The following KCNIP4 variants were observed in gnomAD, a reference collection of about 807,000 sequenced individuals.
The protein encoded by KCNIP4 is Kv channel-interacting protein 4.
In KCNIP4, 12 loss-of-function variants were observed where a neutral mutation model predicts 34.0. That is an observed-to-expected ratio of 0.35 (90% CI 0.23 to 0.57). KCNIP4 has a LOEUF of 0.57. KCNIP4 is among the 20% of genes least tolerant of loss of function. The pLI is 0.83. For synonymous variants in KCNIP4, 124 were observed against 102.2 expected (o/e 1.21, Z -1.29); for missense variants, 238 against 311.7 (o/e 0.76, Z 1.78).
At chr4:20,819,833 C>CCACCTT (rs1653195368) in intron 3 of KCNIP4, among the ~76,000 whole-genome samples, 1 of 152,170 alleles carries the variant, frequency 6.6e-6, no homozygotes, top group South Asian at 2.1e-4. Flanking sequence ...TTCCAAAGTG[C>CCACCTT]CGCCTTGGAA....
At position 21,481,143 on chromosome 4, in the gene KCNIP4, A is replaced by G. The variant is rs1054600456; in HGVS notation, c.61+467428T>C. On this transcript the variant is annotated intron_variant, in intron 1 of 8. Transcript: ENST00000382152. ...TAGTATAGGAAGTAGAAACTACTCA[A>G]TAAGTGTCCCAAGAAAAACTGGCTA... is the stretch of plus-strand genomic sequence containing the variant. Among the ~76,000 whole-genome samples, 6 of 152,218 alleles carry G rather than the reference A, an allele frequency of 3.9e-5. No individual in the cohort carries two copies. The East Asian group carries it at 9.6e-4, about 24-fold the overall frequency.
intron 1 of KCNIP4, among the ~76,000 whole-genome samples, chr4:21,891,428 T>C (rs1727085353): frequency 6.6e-6 from 1 of 152,088 alleles, no homozygotes; most frequent in South Asian, 2.1e-4. Flanking sequence ...TCCATAGGGT[T>C]CTTCGGATCC....
intron 1 of KCNIP4, among the ~76,000 whole-genome samples, chr4:21,444,436 T>G (rs1727780954): frequency 6.6e-6 from 1 of 152,194 alleles, no homozygotes; most frequent in Admixed American, 6.5e-5. Context: ...CATGATCAAG[T>G]GGGCTTCATC....
intron 1 of KCNIP4, among the ~76,000 whole-genome samples, chr4:21,775,570 TAA>T (rs955479403): frequency 2.6e-5 from 4 of 152,298 alleles, no homozygotes; most frequent in Admixed American, 6.5e-5. Flanking sequence ...GAGGAGAGGC[TAA>T]GTCTGCTGGT....
At chr4:20,737,532 A>C (rs1456334613) in intron 5 of KCNIP4, among the ~76,000 whole-genome samples, 1 of 148,882 alleles carries the variant, frequency 6.7e-6, no homozygotes, top group African/African-American at 2.5e-5. Flanking sequence ...GATACATGAG[A>C]CAGAAGAACA....
chr4:21,687,538 A>C (rs1750908415), intron 1 of KCNIP4, among the ~76,000 whole-genome samples: 1 of 152,152 alleles, frequency 6.6e-6, no homozygotes, highest in African/African-American at 2.4e-5. Context: ...ACCCATAATT[A>C]TTTTAAAAAG....
At chr4:21,660,637 A>G (rs1419321793) in intron 1 of KCNIP4, among the ~76,000 whole-genome samples, 4 of 152,190 alleles carry the variant, frequency 2.6e-5, no homozygotes, top group Non-Finnish European at 4.4e-5. Flanking sequence ...TGAGAAAGAC[A>G]GCACTGTTAA....
At chr4:21,692,826 C>CCTT (rs1711804170) in intron 1 of KCNIP4, among the ~76,000 whole-genome samples, 1 of 114,964 alleles carries the variant, frequency 8.7e-6, no homozygotes. Flanking sequence ...AAAATCCTGT[C>CCTT]ATTTTTTTTT....
intron 1 of KCNIP4, among the ~76,000 whole-genome samples, chr4:21,087,177 T>TGTGC (rs1746535190): frequency 6.7e-6 from 1 of 149,136 alleles, no homozygotes; most frequent in Non-Finnish European, 1.5e-5. Context: ...TGTGTGTGTG[T>TGTGC]GTGTGTGTGT....
intron 1 of KCNIP4, among the ~76,000 whole-genome samples, chr4:20,933,505 G>T (rs1207884804): frequency 6.6e-6 from 1 of 152,050 alleles, no homozygotes; most frequent in Non-Finnish European, 1.5e-5. Context: ...TTCCAAAGGG[G>T]TAATACAGAA....
intron 1 of KCNIP4, among the ~76,000 whole-genome samples, chr4:21,212,246 A>T (rs1757267899): frequency 6.6e-6 from 1 of 152,226 alleles, no homozygotes; most frequent in Non-Finnish European, 1.5e-5. Context: ...ATATTTTCTA[A>T]GTCACTGTCA....
At chr4:21,927,108 T>C (rs1326992392) in intron 1 of KCNIP4, among the ~76,000 whole-genome samples, 2 of 152,156 alleles carry the variant, frequency 1.3e-5, no homozygotes, top group Non-Finnish European at 2.9e-5. Flanking sequence ...CCCTTCTATC[T>C]TCAAAGCCAA....
chr4:21,580,777 A>ATTGT (rs1741142798), intron 1 of KCNIP4, among the ~76,000 whole-genome samples: 2 of 152,096 alleles, frequency 1.3e-5, no homozygotes, highest in African/African-American at 4.8e-5. Context: ...TTTAGTCAAC[A>ATTGT]AGTACCTTAT....
chr4:21,660,244 C>A (rs1170832426), intron 1 of KCNIP4, among the ~76,000 whole-genome samples: 1 of 152,088 alleles, frequency 6.6e-6, no homozygotes, highest in Non-Finnish European at 1.5e-5. Context: ...GACTATAATA[C>A]ATGAAAGGCA....
chr4:21,482,132 C>T (rs1731482749), intron 1 of KCNIP4, among the ~76,000 whole-genome samples: 1 of 77,956 alleles, frequency 1.3e-5, no homozygotes, highest in African/African-American at 7.3e-5. Context: ...AGGATTGCAA[C>T]CCCTGCCTTT....
chr4:21,473,901 A>G (rs1469254401), intron 1 of KCNIP4, among the ~76,000 whole-genome samples: 1 of 151,872 alleles, frequency 6.6e-6, no homozygotes, highest in Non-Finnish European at 1.5e-5. Flanking sequence ...TTTAGTAGGG[A>G]TCAGGTTCCA....
At chr4:21,395,882 T>A (rs1466858872) in intron 1 of KCNIP4, among the ~76,000 whole-genome samples, 2 of 152,122 alleles carry the variant, frequency 1.3e-5, no homozygotes, top group Non-Finnish European at 2.9e-5. Context: ...TAAATGAGAT[T>A]TATTCATCAC....
In KCNIP4 at chr4:21,584,124, C is replaced by T. The variant is rs149556429; in HGVS notation, c.61+364447G>A. Among the ~76,000 whole-genome samples, 493 of 152,046 alleles carry T rather than the reference C, an allele frequency of 3.2e-3. 3 individuals are homozygous for T. Among genetic ancestry groups the T allele is most frequent in the Middle Eastern group, 0.014 (4 of 294 alleles). ...ACAACCAAACCTTTGAGGTAGCCTG[C>T]CTTTACATGAGCAGTTGGAAAAATC... On this transcript the variant is annotated intron_variant, in intron 1 of 8. Coordinates refer to ENST00000382152, the MANE Select transcript of KCNIP4 (RefSeq NM_025221.6).
chr4:21,823,325 G>C (rs1722481156), intron 1 of KCNIP4, among the ~76,000 whole-genome samples: 1 of 151,862 alleles, frequency 6.6e-6, no homozygotes, highest in African/African-American at 2.4e-5. Flanking sequence ...TTATTTACAT[G>C]AAAGAAAATT....
Sources: allele counts gnomAD v4.1 joint callset (sites outside exome capture counted in the v4.1 genomes callset), GRCh38; gene constraint gnomAD v4.1.1; transcripts MANE v1.5; gene names NCBI Gene and HGNC (gene_info 2026-07-23, HGNC 2026-07-21).